HORMAD1: variants seen among roughly 807,000 people sequenced by gnomAD.
HORMAD1 encodes the protein HORMA domain containing 1, also known as HORMA domain-containing protein 1.
HORMAD1 carries 33 observed loss-of-function variants against 58.2 expected under a neutral mutation model. That is an observed-to-expected ratio of 0.57 (90% CI 0.43 to 0.76). HORMAD1 has a LOEUF of 0.76. Among genes scored for constraint, HORMAD1 ranks in the 30% least tolerant of loss-of-function variants. The pLI is 0.00. For missense variants in HORMAD1, 363 were observed against 462.0 expected (o/e 0.79, Z 1.96); for synonymous variants, 137 against 144.6 (o/e 0.95, Z 0.38).
intron 12 of HORMAD1, 129 bp downstream of exon 12, chr1:150,703,989 C>T (rs1432197480): frequency 4.9e-6 from 3 of 606,732 alleles, no homozygotes; most frequent in South Asian, 5.1e-5. Context: ...TAGTTAATAA[C>T]AAGCATTCTA....
At chr1:150,699,588 G>C (rs1268967327) in intron 14 of HORMAD1, among the ~76,000 whole-genome samples, 1 of 151,202 alleles carries the variant, frequency 6.6e-6, no homozygotes, top group Non-Finnish European at 1.5e-5. Context: ...ACAGTGGCGC[G>C]ATCTTGGCTC....
intron 3 of HORMAD1, among the ~76,000 whole-genome samples, 157 bp from the exon 4 acceptor site, chr1:150,714,835 G>T (rs2101882628): frequency 6.6e-6 from 1 of 152,158 alleles, no homozygotes; most frequent in Non-Finnish European, 1.5e-5. Flanking sequence ...ACCCAGGATG[G>T]AGTGCGGTGA....
At chr1:150,702,592 C>T (rs1651569591) in intron 13 of HORMAD1, among the ~76,000 whole-genome samples, 1 of 152,120 alleles carries the variant, frequency 6.6e-6, no homozygotes, top group Non-Finnish European at 1.5e-5. Flanking sequence ...ATGTCCTTTG[C>T]AGGGACATGG....
intron 2 of HORMAD1, among the ~76,000 whole-genome samples, chr1:150,718,163 C>T (rs1465240336): frequency 6.6e-6 from 1 of 151,986 alleles, no homozygotes; most frequent in East Asian, 1.9e-4. Flanking sequence ...ATAACATTTT[C>T]TTCATCCCAA....
At chr1:150,714,483 C>T in intron 4 of HORMAD1, 132 bp downstream of exon 4, 1 of 453,878 alleles carries the variant, frequency 2.2e-6, no homozygotes, top group Middle Eastern at 4.5e-4. Flanking sequence ...AATTTAATGA[C>T]CTACAAAAAT....
intron 10 of HORMAD1, among the ~76,000 whole-genome samples, chr1:150,706,100 AG>A (rs1651683630): frequency 6.6e-6 from 1 of 152,222 alleles, no homozygotes; most frequent in South Asian, 2.1e-4. Context: ...CCTGACTTCC[AG>A]GAACTTCCAG....
At chr1:150,718,152 C>T (rs1241581939) in intron 2 of HORMAD1, among the ~76,000 whole-genome samples, 1 of 152,014 alleles carries the variant, frequency 6.6e-6, no homozygotes, top group Non-Finnish European at 1.5e-5. Flanking sequence ...CCACCAATTT[C>T]ATAACATTTT....
chr1:150,698,618 G>C lies in HORMAD1; in HGVS notation c.*36C>G. On this transcript the variant is annotated 3_prime_UTR_variant, in exon 15 of 15. Transcript: ENST00000361824. ...TAGGGTCCTTCAGTTTAAATGGTGA[G>C]AAGAACTCTGCAAGCCTGCAGAACA... 1 of 1,098,198 alleles carries C rather than the reference G, an allele frequency of 9.1e-7. No homozygotes were observed. 68.0% of individuals were successfully genotyped at this position (1,098,198 alleles called of 1,614,324 possible).
In HORMAD1 at chr1:150,698,156, C is replaced by T. The variant is rs1651424953; in HGVS notation, c.*498G>A. ...AAAAAAAAGCATAGTAAAGGTAAAGCACCAATTCTTAAATTGTACATTATA... is the reference window on the plus strand; with the variant it reads ...AAAAAAAAGCATAGTAAAGGTAAAGTACCAATTCTTAAATTGTACATTATA... On this transcript the variant is annotated 3_prime_UTR_variant, in exon 15 of 15. Coordinates refer to ENST00000361824, the MANE Select transcript of HORMAD1 (RefSeq NM_032132.5). The T allele has an allele frequency of 6.6e-6, 1 of 152,116 alleles. No individual in the cohort carries two copies. The allele number at this position is 152,116 out of a possible 1,614,324, so 9.4% of individuals were successfully genotyped here. A position where few individuals can be genotyped will look rare whatever the true frequency, so the allele number is the denominator to read the frequency against.
intron 8 of HORMAD1, 95 bp from the exon 9 acceptor site, chr1:150,708,502 T>A (rs998152411): frequency 5.1e-5 from 41 of 801,372 alleles, no homozygotes; most frequent in Non-Finnish European, 7.7e-5. Flanking sequence ...TTATTTCTAT[T>A]ATAGCATTAA....
intron 5 of HORMAD1, among the ~76,000 whole-genome samples, chr1:150,713,363 C>T (rs959400801): frequency 6.6e-6 from 1 of 152,020 alleles, no homozygotes; most frequent in Admixed American, 6.6e-5. Flanking sequence ...TAACACATAA[C>T]GGGCGCTCAA....
At chr1:150,707,754 G>A (rs1021622832) in intron 9 of HORMAD1, among the ~76,000 whole-genome samples, 4 of 152,114 alleles carry the variant, frequency 2.6e-5, no homozygotes, top group African/African-American at 9.7e-5. Context: ...TGGCCAACAC[G>A]GTGAAACCCC....
chr1:150,703,438 A>T (rs1367088096), intron 12 of HORMAD1, 45 bp from the exon 13 acceptor site: 1 of 1,089,856 alleles, frequency 9.2e-7, no homozygotes, highest in Non-Finnish European at 1.3e-6. Flanking sequence ...AGTATAATAA[A>T]ACCTTTTCAT....
At chr1:150,716,335 T>G (rs1282061862) in intron 3 of HORMAD1, among the ~76,000 whole-genome samples, 1 of 151,764 alleles carries the variant, frequency 6.6e-6, no homozygotes, top group Non-Finnish European at 1.5e-5. Flanking sequence ...CTAATTTTTG[T>G]ATTTTTAGTA....
intron 3 of HORMAD1, among the ~76,000 whole-genome samples, chr1:150,715,351 C>T (rs1415423083): frequency 6.6e-6 from 1 of 152,058 alleles, no homozygotes; most frequent in Non-Finnish European, 1.5e-5. Flanking sequence ...CTATCAAAAA[C>T]AAAGAGGCCT....
intron 14 of HORMAD1, 124 bp from the exon 15 acceptor site, chr1:150,698,858 C>T: frequency 1.8e-6 from 1 of 559,312 alleles, no homozygotes; most frequent in East Asian, 3.0e-5. Flanking sequence ...GCATACCTAG[C>T]ATAACTATAT....
At chr1:150,705,634 A>T (rs1651669249) in intron 10 of HORMAD1, among the ~76,000 whole-genome samples, 1 of 152,240 alleles carries the variant, frequency 6.6e-6, no homozygotes, top group South Asian at 2.1e-4. Context: ...CATTACAATT[A>T]TTGTTCCCTT....
chr1:150,706,035 C>T (rs930700050), intron 10 of HORMAD1, among the ~76,000 whole-genome samples: 2 of 152,206 alleles, frequency 1.3e-5, no homozygotes, highest in Admixed American at 1.3e-4. Context: ...GACGCACTAA[C>T]TAGAAATCCA....
intron 7 of HORMAD1, among the ~76,000 whole-genome samples, chr1:150,711,087 T>C (rs1246975095): frequency 6.6e-6 from 1 of 152,186 alleles, no homozygotes; most frequent in African/African-American, 2.4e-5. Context: ...TCTTTCCCCC[T>C]TGTTTCTTAT....
Sources: allele counts gnomAD v4.1 joint callset (sites outside exome capture counted in the v4.1 genomes callset), GRCh38; gene constraint gnomAD v4.1.1; transcripts MANE v1.5; gene names NCBI Gene and HGNC (gene_info 2026-07-23, HGNC 2026-07-21).